The following HTR3E variants were observed in gnomAD, a reference collection of about 807,000 sequenced individuals.
The protein encoded by HTR3E is 5-hydroxytryptamine receptor 3E, also known as 5-hydroxytryptamine (serotonin) receptor 3, family member E.
HTR3E carries 38 observed loss-of-function variants against 38.0 expected under a neutral mutation model. That is an observed-to-expected ratio of 1.00 (90% CI 0.77 to 1.31). The LOEUF (loss-of-function observed/expected upper bound fraction) is 1.31. Among genes scored for constraint, HTR3E ranks in the 50% most tolerant of loss-of-function variants. The pLI is 0.00. For synonymous variants in HTR3E, 210 were observed against 232.9 expected, an observed-to-expected ratio of 0.90 and a Z score of 0.89; for missense variants, 547 against 585.2, an observed-to-expected ratio of 0.93 and a Z score of 0.67.
chr3:184,100,342 A>G (rs761096086), intron 1 of HTR3E, 143 bp from the exon 2 acceptor site: 3 of 1,595,124 alleles, frequency 1.9e-6, no homozygotes, highest in Non-Finnish European at 8.6e-7. Flanking sequence ...AGGGCTTAGA[A>G]TATACCTGAC....
intron 3 of HTR3E, 32 bp downstream of exon 3, chr3:184,101,561 T>C: frequency 2.6e-6 from 4 of 1,548,128 alleles, no homozygotes; most frequent in Non-Finnish European, 3.6e-6. Context: ...CTCCCTACAG[T>C]TACAGTCAAA....
chr3:184,101,352 G>C (rs1054518643), intron 2 of HTR3E, 133 bp from the exon 3 acceptor site: 45 of 803,848 alleles, frequency 5.6e-5, no homozygotes, highest in Non-Finnish European at 9.3e-5. Flanking sequence ...ACATGGGTTT[G>C]GATAGAGCTT....
At chr3:184,103,482 AGCCAG>A (rs1356501867) in intron 3 of HTR3E, among the ~76,000 whole-genome samples, 2 of 152,056 alleles carry the variant, frequency 1.3e-5, no homozygotes, top group African/African-American at 4.8e-5. Flanking sequence ...ACAAAAAATT[AGCCAG>A]GCGTGGTGGC....
At position 184,106,577 on chromosome 3, in the gene HTR3E, C is replaced by A. The variant is rs1712476276; in HGVS notation, c.1255C>A (p.His419Asn). 2 of 1,614,066 alleles carry A rather than the reference C, an allele frequency of 1.2e-6. No individual in the cohort carries two copies. The highest frequency in any genetic ancestry group is 1.7e-6 in the Non-Finnish European group (2 of 1,180,036). Residue 419 changes from histidine (H) to asparagine (N), a missense_variant, in exon 9 of 9, where the codon CAC becomes AAC. By Grantham distance (68) the His-to-Asn change is moderately conservative. Coordinates refer to ENST00000415389, the MANE Select transcript of HTR3E (RefSeq NM_001256613.2). This position sits in a 1 kb window ranked among gnomAD's most constrained non-coding sequence, Gnocchi z 4.1. ...GCGGGAACACGAGGCCCAGAAGCAGCACTCAGTGGAGCTGTGGTTGCAGTT... is the reference window on the plus strand; with the variant it reads ...GCGGGAACACGAGGCCCAGAAGCAGAACTCAGTGGAGCTGTGGTTGCAGTT... Reference protein sequence around the residue: ...AQREHEAQKQHSVELWLQFSH... With the variant: ...AQREHEAQKQNSVELWLQFSH...
chr3:184,104,766 C>T, intron 4 of HTR3E, 21 bp from the exon 5 acceptor site: 1 of 1,536,692 alleles, frequency 6.5e-7, no homozygotes, highest in Non-Finnish European at 8.8e-7. Context: ...GCACCTGCCT[C>T]TTGCGTTATC....
At chr3:184,099,683 C>T (rs373107357) in intron 1 of HTR3E, among the ~76,000 whole-genome samples, 3,638 of 132,984 alleles carry the variant, frequency 0.027, 201 homozygotes, top group African/African-American at 0.11. Context: ...CACTGCAGTC[C>T]GCAGTCCGGC....
intron 4 of HTR3E, 60 bp downstream of exon 4, chr3:184,104,351 G>C (rs1446779102): frequency 2.6e-6 from 4 of 1,558,392 alleles, no homozygotes; most frequent in South Asian, 2.4e-5. Context: ...AGAGATCACA[G>C]TTTACCATTG....
chr3:184,101,906 C>T (rs950476136), intron 3 of HTR3E, among the ~76,000 whole-genome samples: 1 of 152,250 alleles, frequency 6.6e-6, no homozygotes, highest in African/African-American at 2.4e-5. Context: ...AGGAAAATCA[C>T]TTGAACCTGG....
chr3:184,105,129 C>T, intron 5 of HTR3E, 138 bp from the exon 6 acceptor site: 1 of 1,184,884 alleles, frequency 8.4e-7, no homozygotes, highest in East Asian at 2.5e-5. Context: ...TCCTTACCAT[C>T]CCAAGCTCCT....
Position 184,106,707 on chromosome 3 carries a change from T to C in HTR3E, c.*14T>C, listed in dbSNP as rs748922481. 1.2e-6 allele frequency: 2 copies of C among 1,613,186 alleles called. No homozygotes were observed. The highest frequency in any genetic ancestry group is 1.7e-5 in the Admixed American group (1 of 59,976). Reference sequence around the variant, plus strand: ...TGGAACACCTAGGCAGGTGCTCACCTGCCAACTTCAGTCTGGAGCTTCTCT... The same window carrying C: ...TGGAACACCTAGGCAGGTGCTCACCCGCCAACTTCAGTCTGGAGCTTCTCT... On this transcript the variant is annotated 3_prime_UTR_variant, in exon 9 of 9. Transcript: ENST00000415389. The surrounding 1 kb of genome is among the most constrained non-coding windows in gnomAD (Gnocchi z 4.1).
rs1159184885 is a variant in HTR3E at position 184,097,503 on chromosome 3, G to A, written c.-27G>A. 3.3e-6 allele frequency: 5 copies of A among 1,523,300 alleles called. No individual in the cohort carries two copies. The East Asian group carries it at 7.3e-5, about 22-fold the overall frequency. 94.4% of individuals were successfully genotyped at this position (1,523,300 alleles called of 1,614,324 possible). On this transcript the variant is annotated 5_prime_UTR_variant, in exon 1 of 9. It removes an upstream start codon present in the reference 5' UTR. Transcript: ENST00000415389. Reference sequence around the variant, plus strand: ...TGGGCATTCCTGGGTCCCAGTACATGTTCAGAGAAGAACTTAGACAAAGAA... The same window carrying A: ...TGGGCATTCCTGGGTCCCAGTACATATTCAGAGAAGAACTTAGACAAAGAA...
At position 184,105,922 on chromosome 3, in the gene HTR3E, T is replaced by G. The variant is rs1343155751; in HGVS notation, c.878T>G (p.Leu293Arg). The change falls in exon 7 of 9, where the codon CTG becomes CGG. Residue 293 changes from leucine (L) to arginine (R), a missense_variant. Physicochemically the swap from Leu to Arg is moderately radical, Grantham distance 102 (BLOSUM62 -2). Transcript: ENST00000415389. ...ITLLLGYNVF[L>R]LMMSDLLPTS... is the part of the protein sequence containing the mutation. The stretch of plus-strand genomic sequence containing the variant: ...CTCCTGCTGGGCTACAACGTCTTCC[T>G]GCTCATGATGAGTGACTTGCTCCCC... 6.2e-7 allele frequency: 1 copy of G among 1,614,186 alleles called. No individual in the cohort carries two copies. The highest frequency in any genetic ancestry group is 8.5e-7 in the Non-Finnish European group (1 of 1,180,028).
At chr3:184,101,007 G>A (rs549653213) in intron 2 of HTR3E, among the ~76,000 whole-genome samples, 85 of 152,198 alleles carry the variant, frequency 5.6e-4, no homozygotes, top group African/African-American at 1.9e-3. Context: ...GCAATGGCAC[G>A]GTCTTGGCTC....
At chr3:184,101,331 C>A (rs530238736) in intron 2 of HTR3E, among the ~76,000 whole-genome samples, 154 bp from the exon 3 acceptor site, 4 of 152,154 alleles carry the variant, frequency 2.6e-5, no homozygotes, top group Non-Finnish European at 5.9e-5. Flanking sequence ...CTCTCCTGTC[C>A]GTAGCCTAAC....
chr3:184,100,872 C>A (rs1711995607), intron 2 of HTR3E, among the ~76,000 whole-genome samples: 1 of 152,146 alleles, frequency 6.6e-6, no homozygotes, highest in African/African-American at 2.4e-5. Context: ...GGCTGTATAC[C>A]AGTGACCAGG....
At chr3:184,097,998 G>A (rs1711755428) in intron 1 of HTR3E, among the ~76,000 whole-genome samples, 1 of 152,104 alleles carries the variant, frequency 6.6e-6, no homozygotes, top group African/African-American at 2.4e-5. Context: ...CTATCCACAG[G>A]TGTAATTCTT....
intron 2 of HTR3E, 107 bp downstream of exon 2, chr3:184,100,758 T>G (rs1037980710): frequency 1.4e-6 from 2 of 1,475,928 alleles, no homozygotes; most frequent in Admixed American, 2.0e-5. Context: ...CCTCCACCAC[T>G]GCTGGATGGC....
At chr3:184,101,592 T>C in intron 3 of HTR3E, 63 bp downstream of exon 3, 4 of 1,339,552 alleles carry the variant, frequency 3.0e-6, no homozygotes, top group East Asian at 2.3e-5. Context: ...AACGAAGATA[T>C]AATAATTATG....
At chr3:184,105,549 C>A in intron 6 of HTR3E, 122 bp downstream of exon 6, 1 of 1,180,530 alleles carries the variant, frequency 8.5e-7, no homozygotes, top group Non-Finnish European at 1.2e-6. Flanking sequence ...TCCTGGCTTC[C>A]CAGCCTCATT....
Sources: allele counts gnomAD v4.1 joint callset (sites outside exome capture counted in the v4.1 genomes callset), GRCh38; gene constraint gnomAD v4.1.1; non-coding constraint Gnocchi (gnomAD v3.1); transcripts MANE v1.5; gene names NCBI Gene and HGNC (gene_info 2026-07-23, HGNC 2026-07-21).